Variants in PGM5 observed in about 807,000 individuals in gnomAD.
PGM5 encodes phosphoglucomutase-like protein 5.
In PGM5, 23 loss-of-function variants were observed where a neutral mutation model predicts 59.2. The ratio of observed to expected loss-of-function variants is 0.39; its 90% confidence interval spans 0.28 to 0.55. The LOEUF (loss-of-function observed/expected upper bound fraction) is 0.55. Ranked by LOEUF, PGM5 falls within the 20% of genes least tolerant of loss-of-function variation. PGM5 has a pLI of 0.66. For missense variants in PGM5, 574 were observed against 748.3 expected (o/e 0.77, Z 2.72); for synonymous variants, 214 against 286.0 (o/e 0.75, Z 2.54).
At chr9:68,453,107 T>C (rs1396176515) in intron 6 of PGM5, among the ~76,000 whole-genome samples, 1 of 152,200 alleles carries the variant, frequency 6.6e-6, no homozygotes, top group Non-Finnish European at 1.5e-5. Context: ...ATGTGAGAAA[T>C]GTATACTCTA....
At chr9:68,483,718 G>A in intron 8 of PGM5, 147 bp from the exon 9 acceptor site, 1 of 656,148 alleles carries the variant, frequency 1.5e-6, no homozygotes, top group Non-Finnish European at 2.7e-6. Context: ...GGACTGTAAG[G>A]GTCAGATGAA....
At position 68,529,139 on chromosome 9, in the gene PGM5, A is replaced by G. The variant is rs116074450; in HGVS notation, c.1615-428A>G. 4.7e-3 allele frequency among the ~76,000 whole-genome samples: 709 copies of G among 149,682 alleles called. 9 individuals are homozygous for G. The highest frequency in any genetic ancestry group is 0.016 in the African/African-American group (669 of 40,754). ...GTGGGTTCTTTAAATCCATGGCCCTAGGATGAAGAATGAGCTTTTATTCTC... is the reference window on the plus strand; with the variant it reads ...GTGGGTTCTTTAAATCCATGGCCCTGGGATGAAGAATGAGCTTTTATTCTC... On this transcript the variant is annotated intron_variant, in intron 10 of 10. Coordinates refer to ENST00000396396, the MANE Select transcript of PGM5 (RefSeq NM_021965.4).
chr9:68,412,189 T>G (rs1241160701), intron 6 of PGM5, among the ~76,000 whole-genome samples: 1 of 151,874 alleles, frequency 6.6e-6, no homozygotes, highest in African/African-American at 2.4e-5. Flanking sequence ...GTAAAGTAAT[T>G]AGCATAGAAG....
At chr9:68,384,255 A>C in intron 2 of PGM5, 143 bp from the exon 3 acceptor site, 7 of 626,348 alleles carry the variant, frequency 1.1e-5, no homozygotes, top group Non-Finnish European at 1.7e-5. Context: ...AGAAATATCA[A>C]GGCTAATTGA....
At chr9:68,475,266 C>T (rs1181151550) in intron 7 of PGM5, among the ~76,000 whole-genome samples, 2 of 150,060 alleles carry the variant, frequency 1.3e-5, no homozygotes, top group African/African-American at 4.9e-5. Context: ...AACTCCTGAC[C>T]TCAGGTGATT....
rs760365455 is a variant in PGM5 at position 68,479,429 on chromosome 9, C to A, written c.1171C>A (p.Leu391Ile). Reference sequence around the variant, plus strand: ...TCTTTCACCTTTAGGCTCTGACCACCTCCGAGAGAAGGATGGCCTGTGGGC... The same window carrying A: ...TCTTTCACCTTTAGGCTCTGACCACATCCGAGAGAAGGATGGCCTGTGGGC... ...EESFGTGSDHLREKDGLWAVL... is the reference protein window; with the variant it reads ...EESFGTGSDHIREKDGLWAVL... Residue 391 changes from leucine (L) to isoleucine (I), a missense_variant, in exon 8 of 11, where the codon CTC becomes ATC. By Grantham distance (5) the Leu-to-Ile change is conservative (BLOSUM62 2). This residue lies in a region of PGM5 where 300 missense variants were observed against 280.0 expected (regional missense o/e 1.07). Transcript: ENST00000396396. 6.2e-7 allele frequency: 1 copy of A among 1,612,880 alleles called. No homozygotes were observed. Among genetic ancestry groups the A allele is most frequent in the South Asian group, 1.1e-5 (1 of 91,026 alleles).
chr9:68,417,391 A>G (rs1262582288), intron 6 of PGM5, among the ~76,000 whole-genome samples: 1 of 151,694 alleles, frequency 6.6e-6, no homozygotes, highest in Non-Finnish European at 1.5e-5. Flanking sequence ...TGTCAAATCT[A>G]GGAGATCTTG....
intron 7 of PGM5, among the ~76,000 whole-genome samples, chr9:68,472,119 C>A (rs1824029591): frequency 6.6e-6 from 1 of 152,156 alleles, no homozygotes; most frequent in South Asian, 2.1e-4. Flanking sequence ...GTGATAGACA[C>A]AATTCCTAGT....
chr9:68,406,592 A>G lies in PGM5; in HGVS notation c.1043+14119A>G, dbSNP rs191797599. The G allele has an allele frequency of 7.6e-5, 11 of 145,676 alleles. No individual in the cohort carries two copies. The East Asian group carries it at 2.2e-3, about 30-fold the overall frequency. 9.0% of individuals were successfully genotyped at this position (145,676 alleles called of 1,614,324 possible). The stretch of plus-strand genomic sequence containing the variant: ...ACTGCCACACTAGGGATGAAGTTTC[A>G]ACAGAAATTTTGAAGGGGATAAACA... On this transcript the variant is annotated intron_variant, in intron 6 of 10. Coordinates refer to ENST00000396396, the MANE Select transcript of PGM5 (RefSeq NM_021965.4).
intron 10 of PGM5, among the ~76,000 whole-genome samples, chr9:68,527,009 A>G (rs1824987251): frequency 6.6e-6 from 1 of 152,234 alleles, no homozygotes; most frequent in Admixed American, 6.5e-5. Flanking sequence ...GCATATTAGA[A>G]AGTGATCTTT....
chr9:68,504,670 A>T, intron 10 of PGM5, among the ~76,000 whole-genome samples: 1 of 151,656 alleles, frequency 6.6e-6, no homozygotes, highest in Non-Finnish European at 1.5e-5. Context: ...TTACTTCCCT[A>T]CCCTGCTTTG....
At chr9:68,425,355 A>G (rs1040173239) in intron 6 of PGM5, among the ~76,000 whole-genome samples, 2 of 152,218 alleles carry the variant, frequency 1.3e-5, no homozygotes, top group African/African-American at 4.8e-5. Flanking sequence ...CCAATCCACC[A>G]TGAAAGGGGT....
At chr9:68,499,908 A>G (rs1160021659) in intron 10 of PGM5, among the ~76,000 whole-genome samples, 1 of 152,236 alleles carries the variant, frequency 6.6e-6, no homozygotes, top group Non-Finnish European at 1.5e-5. Context: ...GTTTTCAACA[A>G]TAAGGCTAAT....
intron 9 of PGM5, among the ~76,000 whole-genome samples, chr9:68,489,764 T>C (rs1177313198): frequency 6.6e-6 from 1 of 152,156 alleles, no homozygotes; most frequent in Non-Finnish European, 1.5e-5. Context: ...TCAAAAATCA[T>C]GAAACTCTTC....
At chr9:68,512,943 C>G (rs1248049503) in intron 10 of PGM5, among the ~76,000 whole-genome samples, 1 of 152,214 alleles carries the variant, frequency 6.6e-6, no homozygotes, top group Admixed American at 6.5e-5. Context: ...GTCACAAAAT[C>G]TTATTTTTTT....
intron 1 of PGM5, among the ~76,000 whole-genome samples, chr9:68,362,982 A>G (rs1159175804): frequency 6.7e-6 from 1 of 148,568 alleles, no homozygotes. Flanking sequence ...GATTCTCCCA[A>G]CTCAGCCTCC....
intron 1 of PGM5, among the ~76,000 whole-genome samples, chr9:68,369,873 A>C (rs1834750934): frequency 6.6e-6 from 1 of 152,132 alleles, no homozygotes; most frequent in Admixed American, 6.5e-5. Flanking sequence ...TCCAAATGCA[A>C]ATGAAGGAGT....
chr9:68,416,309 A>T (rs144532927), intron 6 of PGM5, among the ~76,000 whole-genome samples: 4,571 of 152,316 alleles, frequency 0.03, 98 homozygotes, highest in Non-Finnish European at 0.046. Context: ...ATGTTGGTGT[A>T]TAAATACGTC....
chr9:68,375,068 G>A (rs1821843552), intron 1 of PGM5, among the ~76,000 whole-genome samples: 2 of 152,156 alleles, frequency 1.3e-5, no homozygotes, highest in Admixed American at 6.5e-5. Flanking sequence ...TGGAAAGTTG[G>A]TGCTGGCTGT....
Sources: allele counts gnomAD v4.1 joint callset (sites outside exome capture counted in the v4.1 genomes callset), GRCh38; gene constraint gnomAD v4.1.1; regional missense constraint gnomAD v4.1.1; transcripts MANE v1.5; gene names NCBI Gene and HGNC (gene_info 2026-07-23, HGNC 2026-07-21).